The following PSMA1 variants were observed in gnomAD, a reference collection of about 807,000 sequenced individuals.
PSMA1 encodes the protein proteasome 20S subunit alpha 1.
PSMA1 carries 3 observed loss-of-function variants against 38.4 expected under a neutral mutation model. That is an observed-to-expected ratio of 0.08 (90% CI 0.04 to 0.20). The LOEUF (loss-of-function observed/expected upper bound fraction) is 0.20, where lower values mean the gene tolerates loss of function less well. Ranked by LOEUF, PSMA1 falls within the 10% of genes least tolerant of loss-of-function variation. PSMA1 has a pLI of 1.00. For missense variants in PSMA1, 227 were observed against 325.3 expected (o/e 0.70, Z 2.32); for synonymous variants, 101 against 107.1 (o/e 0.94, Z 0.35).
chr11:14,640,613 T>C (rs1853187165), intron 1 of PSMA1, among the ~76,000 whole-genome samples: 1 of 152,072 alleles, frequency 6.6e-6, no homozygotes, highest in East Asian at 1.9e-4. Context: ...GATTCTGAGA[T>C]GAGTATTAGC....
At chr11:14,607,847 G>T (rs1852662032) in intron 2 of PSMA1, among the ~76,000 whole-genome samples, 1 of 152,184 alleles carries the variant, frequency 6.6e-6, no homozygotes, top group African/African-American at 2.4e-5. Context: ...GCATGTTTTA[G>T]TACCCTAGTC....
chr11:14,622,670 T>C (rs1197535460), intron 1 of PSMA1, among the ~76,000 whole-genome samples: 2 of 152,164 alleles, frequency 1.3e-5, no homozygotes, highest in Non-Finnish European at 2.9e-5. Context: ...GTAGGCCTCT[T>C]TGGGTTCTGG....
chr11:14,622,170 C>T (rs915216497), intron 1 of PSMA1, among the ~76,000 whole-genome samples: 8 of 152,154 alleles, frequency 5.3e-5, no homozygotes, highest in Non-Finnish European at 8.8e-5. Context: ...GTTGCTTTGC[C>T]GGACACTGTG....
At chr11:14,587,995 T>C (rs889794899) in intron 2 of PSMA1, among the ~76,000 whole-genome samples, 4 of 152,224 alleles carry the variant, frequency 2.6e-5, no homozygotes, top group African/African-American at 7.2e-5. Context: ...TTGTGTTAGG[T>C]AGTACTTCTA....
chr11:14,608,583 C>CA (rs966779717), intron 2 of PSMA1, among the ~76,000 whole-genome samples: 6 of 140,786 alleles, frequency 4.3e-5, no homozygotes, highest in Non-Finnish European at 7.7e-5. Flanking sequence ...TTAAAAAAGG[C>CA]AAAAAAAAAT....
At chr11:14,585,593 T>C (rs951326404) in intron 2 of PSMA1, among the ~76,000 whole-genome samples, 1 of 152,240 alleles carries the variant, frequency 6.6e-6, no homozygotes, top group Non-Finnish European at 1.5e-5. Flanking sequence ...CTCTTTCACA[T>C]GCAGTTGATC....
intron 2 of PSMA1, among the ~76,000 whole-genome samples, chr11:14,607,657 G>A (rs1260075641): frequency 6.6e-6 from 1 of 152,170 alleles, no homozygotes; most frequent in Admixed American, 6.5e-5. Context: ...TGAAGGCAGG[G>A]AATGCCTCCA....
At chr11:14,559,867 C>A (rs375673100) in intron 2 of PSMA1, among the ~76,000 whole-genome samples, 30 of 152,126 alleles carry the variant, frequency 2.0e-4, no homozygotes, top group African/African-American at 6.7e-4. Context: ...TTGGAGAGTG[C>A]CTAGGGATTC....
intron 2 of PSMA1, among the ~76,000 whole-genome samples, chr11:14,604,498 G>C (rs1177228300): frequency 6.6e-6 from 1 of 152,152 alleles, no homozygotes; most frequent in Non-Finnish European, 1.5e-5. Context: ...TAATATGCTA[G>C]AGGTCACATG....
intron 1 of PSMA1, among the ~76,000 whole-genome samples, chr11:14,636,170 T>C (rs1853110763): frequency 1.3e-5 from 2 of 152,178 alleles, no homozygotes; most frequent in African/African-American, 4.8e-5. Flanking sequence ...AATGTCAAAA[T>C]AAGTGTTAAT....
At chr11:14,520,172 C>T (rs917880227) in intron 1 of PSMA1, 125 bp downstream of exon 1, 3 of 1,443,536 alleles carry the variant, frequency 2.1e-6, no homozygotes, top group Non-Finnish European at 2.9e-6. Context: ...GGAGCCCGGC[C>T]GTCTGCCGAG....
intron 1 of PSMA1, among the ~76,000 whole-genome samples, chr11:14,629,264 T>A (rs1268675990): frequency 6.6e-5 from 10 of 152,102 alleles, no homozygotes; most frequent in Admixed American, 2.0e-4. Flanking sequence ...CTGAATGGTA[T>A]TGCCTAGGTT....
Sources: gnomAD v4.1 joint callset for allele counts (sites outside exome capture counted in the v4.1 genomes callset) on GRCh38, gnomAD v4.1.1 for gene constraint, MANE v1.5 for transcripts, NCBI Gene and HGNC (gene_info 2026-07-23, HGNC 2026-07-21) for gene names.